Variants in DAB2IP observed in about 807,000 individuals in gnomAD.
The protein encoded by DAB2IP is disabled homolog 2-interacting protein.
A neutral mutation model predicts 107.2 loss-of-function variants in DAB2IP; 28 were observed. The observed-to-expected ratio is 0.26, with a 90% CI of 0.19 to 0.36. The LOEUF (loss-of-function observed/expected upper bound fraction) is 0.36. Ranked by LOEUF, DAB2IP falls within the 10% of genes least tolerant of loss-of-function variation. DAB2IP has a pLI of 1.00. For synonymous variants in DAB2IP, 755 were observed against 706.4 expected, an observed-to-expected ratio of 1.07 and a Z score of -1.09; for missense variants, 1,400 against 1,644.7, an observed-to-expected ratio of 0.85 and a Z score of 2.57.
intron 1 of DAB2IP, among the ~76,000 whole-genome samples, chr9:121,653,877 G>T (rs546102334): frequency 6.6e-6 from 1 of 152,220 alleles, no homozygotes; most frequent in Non-Finnish European, 1.5e-5. Context: ...CCTGCAGAGC[G>T]GGGAGGAGAC....
At chr9:121,743,838 A>C (rs542052599) in intron 3 of DAB2IP, among the ~76,000 whole-genome samples, 2 of 152,306 alleles carry the variant, frequency 1.3e-5, no homozygotes, top group African/African-American at 4.8e-5. Flanking sequence ...AGTGACTGTC[A>C]CAGGAGCTGG....
rs1832686275 is a variant in DAB2IP, at chr9:121,745,848, G to C, written c.363-11165G>C. ...AGCTGCCAACAAGGAGGGAGCCTCT[G>C]TCCCAAATGGTGGCTGGAATTGAAG... On this transcript the variant is annotated intron_variant, in intron 3 of 15. Coordinates refer to ENST00000408936, the Ensembl canonical transcript of DAB2IP. Among the ~76,000 whole-genome samples the C allele has an allele frequency of 2.0e-5, 3 of 152,196 alleles. No individual in the cohort carries two copies. The South Asian group carries it at 6.2e-4, about 31-fold the overall frequency.
At chr9:121,600,243 C>T (rs60631092) in intron 1 of DAB2IP, among the ~76,000 whole-genome samples, 36,032 of 152,090 alleles carry the variant, frequency 0.24, 5,152 homozygotes, top group South Asian at 0.39. Flanking sequence ...CCAGGCACCC[C>T]CTGGGGCACC....
At chr9:121,708,624 C>T (rs932704418) in intron 3 of DAB2IP, among the ~76,000 whole-genome samples, 3 of 152,216 alleles carry the variant, frequency 2.0e-5, no homozygotes, top group Non-Finnish European at 4.4e-5. Context: ...GCTCAGCCCA[C>T]CTGTGCCACC....
intron 1 of DAB2IP, among the ~76,000 whole-genome samples, chr9:121,666,850 C>A (rs888572404): frequency 6.7e-6 from 1 of 149,528 alleles, no homozygotes; most frequent in Non-Finnish European, 1.5e-5. Context: ...TTGGCTTCAT[C>A]CCCTATCCCC....
intron 3 of DAB2IP, chr9:121,752,008 G>A (rs531153782): frequency 6.1e-6 from 6 of 985,516 alleles, no homozygotes; most frequent in East Asian, 1.1e-4. Flanking sequence ...TCCCTGGAGC[G>A]CTGTCATGGG....
Position 121,783,873 on chromosome 9 carries a change from CTGTT to C in DAB2IP, c.*1376_*1379del, listed in dbSNP as rs1835831351. On this transcript the variant is annotated 3_prime_UTR_variant, in exon 16 of 16. Transcript: ENST00000408936. ...AGCTTGGGTCTCTCTCGGCCCCTGT[CTGTT>C]CCCAGCCCCTGCAGATTCTGAGCAA... The C allele has an allele frequency of 7.4e-6, 3 of 405,820 alleles. 1 individual carries two copies. The South Asian group carries it at 9.8e-5, about 13-fold the overall frequency. The allele number at this position is 405,820 out of a possible 1,614,324, so 25.1% of individuals were successfully genotyped here. A position where few individuals can be genotyped will look rare whatever the true frequency, so the allele number is the denominator to read the frequency against.
At chr9:121,737,779 G>T (rs1832035204) in intron 3 of DAB2IP, 1 of 985,446 alleles carries the variant, frequency 1.0e-6, no homozygotes, top group African/African-American at 1.7e-5. Context: ...CCCGGTGGGT[G>T]GGTCTCCAGC....
chr9:121,714,981 G>A (rs191536864), intron 3 of DAB2IP, among the ~76,000 whole-genome samples: 4 of 152,348 alleles, frequency 2.6e-5, no homozygotes, highest in African/African-American at 4.8e-5. Context: ...GATATTTCTC[G>A]TTTCACAAGC....
chr9:121,587,663 A>G (rs1187004055), intron 1 of DAB2IP, among the ~76,000 whole-genome samples: 3 of 151,748 alleles, frequency 2.0e-5, no homozygotes, highest in Admixed American at 6.6e-5. Context: ...GAAGGTCAAG[A>G]AACAGAGGGC....
rs1268762564 is a variant in DAB2IP, at chr9:121,772,986, C to A, written c.2458C>A (p.Pro820Thr). 6.2e-7 allele frequency: 1 copy of A among 1,607,532 alleles called. No individual in the cohort carries two copies. The highest frequency in any genetic ancestry group is 2.2e-5 in the East Asian group (1 of 44,780). ...CACCTCCGAGGGCGCGCCAGGCCGG[C>A]CCCAGCTGTTGGCACCGCTCTCCTT... Residue 820 changes from proline (P) to threonine (T), a missense_variant, in exon 12 of 16, where the codon CCC becomes ACC. Around this residue, in one of 3 missense-constraint regions of DAB2IP, gnomAD observed 600 missense variants for 659.1 expected, o/e 0.91. Coordinates refer to ENST00000408936, the Ensembl canonical transcript of DAB2IP. The surrounding 1 kb of genome is among the most constrained non-coding windows in gnomAD (Gnocchi z 4.7).
At position 121,651,795 on chromosome 9, in the gene DAB2IP, C is replaced by G. The variant is rs752339144; in HGVS notation, c.20C>G (p.Ala7Gly). 26 of 1,433,796 alleles carry G rather than the reference C, an allele frequency of 1.8e-5. No homozygotes were observed. The highest frequency in any genetic ancestry group is 2.3e-5 in the Non-Finnish European group (25 of 1,088,542). 88.8% of individuals were successfully genotyped at this position (1,433,796 alleles called of 1,614,324 possible). The stretch of plus-strand genomic sequence containing the variant: ...GGCAGCATGTCCGCGGGCGGCAGCG[C>G]CAGGAAGAGCACCGGGAGGTCCTCC... Residue 7 changes from alanine to glycine, a missense_variant, in exon 1 of 16, where the codon GCC (alanine) becomes GGC (glycine). Ala to Gly is a moderately conservative substitution (Grantham distance 60). Around this residue, in one of 3 missense-constraint regions of DAB2IP, gnomAD observed 283 missense variants for 237.0 expected, o/e 1.19. Transcript: ENST00000408936. This position sits in a 1 kb window ranked among gnomAD's most constrained non-coding sequence, Gnocchi z 5.1.
chr9:121,637,236 G>C (rs1832121293), intron 1 of DAB2IP, among the ~76,000 whole-genome samples: 1 of 152,194 alleles, frequency 6.6e-6, no homozygotes, highest in Non-Finnish European at 1.5e-5. Flanking sequence ...CTTTTGTGAG[G>C]ATGCAATGAG....
chr9:121,769,046 C>T (rs542560405), intron 10 of DAB2IP, among the ~76,000 whole-genome samples: 2 of 152,282 alleles, frequency 1.3e-5, no homozygotes, highest in East Asian at 3.9e-4. Flanking sequence ...CATCAGTTGA[C>T]AAGGTTACTC....
intron 1 of DAB2IP, among the ~76,000 whole-genome samples, chr9:121,602,727 C>G (rs904991781): frequency 6.6e-6 from 1 of 152,120 alleles, no homozygotes; most frequent in African/African-American, 2.4e-5. Flanking sequence ...AGGCGCCCGC[C>G]ACCACGCCCG....
chr9:121,670,038 G>A lies in DAB2IP; in HGVS notation c.125-8640G>A, dbSNP rs1039041703. 4.6e-5 allele frequency among the ~76,000 whole-genome samples: 7 copies of A among 152,068 alleles called. No individual in the cohort carries two copies. In the East Asian group the frequency reaches 5.8e-4, roughly 13 times the overall value. ...ACTATTCCATCACCACGAAGATGTC[G>A]CTTGTGCTCCCCCTTTAACATCACA... On this transcript the variant is annotated intron_variant, in intron 1 of 15. Coordinates refer to ENST00000408936, the Ensembl canonical transcript of DAB2IP.
Position 121,782,226 on chromosome 9 carries a change from C to T in DAB2IP, c.3403-105C>T. On this transcript the variant is annotated intron_variant, in intron 15 of 15. Transcript: ENST00000408936. This position sits in a 1 kb window ranked among gnomAD's most constrained non-coding sequence, Gnocchi z 6.1. ...CTGCTCACAGCCCGGAGCCTGCCTG[C>T]CACCCTCATCTCCAGGCCACCCCCT... is the stretch of plus-strand genomic sequence containing the variant. The T allele has an allele frequency of 2.0e-6, 3 of 1,509,736 alleles. No individual in the cohort carries two copies. The highest frequency in any genetic ancestry group is 2.3e-4 in the Middle Eastern group (1 of 4,386). 93.5% of individuals were successfully genotyped at this position (1,509,736 alleles called of 1,614,324 possible). A position where few individuals can be genotyped will look rare whatever the true frequency, so the allele number is the denominator to read the frequency against.
intron 14 of DAB2IP, among the ~76,000 whole-genome samples, chr9:121,778,727 C>T (rs913335408): frequency 6.6e-6 from 1 of 152,192 alleles, no homozygotes; most frequent in African/African-American, 2.4e-5. Context: ...GCTGTTACAG[C>T]AGAACTATTT....
chr9:121,646,755 C>A (rs1025611667), upstream of DAB2IP, among the ~76,000 whole-genome samples: 1 of 152,072 alleles, frequency 6.6e-6, no homozygotes, highest in African/African-American at 2.4e-5. Flanking sequence ...TGTCCCTTGA[C>A]AAAGCTGGCT....
Sources: gnomAD v4.1 joint callset for allele counts (sites outside exome capture counted in the v4.1 genomes callset) on GRCh38, gnomAD v4.1.1 for gene constraint, gnomAD v4.1.1 regional missense constraint, Gnocchi (gnomAD v3.1) non-coding constraint, MANE v1.5 for transcripts, NCBI Gene and HGNC (gene_info 2026-07-23, HGNC 2026-07-21) for gene names.